Variants in TCF20 observed in about 807,000 individuals in gnomAD.
The protein encoded by TCF20 is transcription factor 20.
TCF20 carries 3 observed loss-of-function variants against 148.6 expected under a neutral mutation model. The ratio of observed to expected loss-of-function variants is 0.02; its 90% CI spans 0.01 to 0.05. The LOEUF (loss-of-function observed/expected upper bound fraction) is 0.05. TCF20 is among the 10% of genes least tolerant of loss of function. The pLI is 1.00. For missense variants in TCF20, 2,350 were observed against 2,429.3 expected, an observed-to-expected ratio of 0.97 and a Z score of 0.69; for synonymous variants, 1,049 against 909.5, an observed-to-expected ratio of 1.15 and a Z score of -2.76.
In TCF20 at chr22:42,215,240, G is replaced by A. The variant is rs1173449621; in HGVS notation, c.66C>T (p.His22=). Residue 22 remains histidine (H), a synonymous_variant, in exon 2 of 6, where the codon CAC becomes CAT. Transcript: ENST00000677622. ...TGAACTCTTCTAGCCGGGATGAGCC[G>A]TGTACCTCCTGTGGGTAGCTTTGCT... ...GNQQSYPQEV[H]GSSRLEEFSP... 18 of 1,614,194 alleles carry A rather than the reference G, an allele frequency of 1.1e-5. No individual in the cohort carries two copies. Among genetic ancestry groups the A allele is most frequent in the Admixed American group, 1.7e-5 (1 of 60,028 alleles).
Position 42,161,202 on chromosome 22 carries a change from G to T in TCF20, c.*201C>A. 1 of 949,660 alleles carries T rather than the reference G, an allele frequency of 1.1e-6. No individual in the cohort carries two copies. The highest frequency in any genetic ancestry group is 1.6e-6 in the Non-Finnish European group (1 of 633,886). 58.8% of individuals were successfully genotyped at this position (949,660 alleles called of 1,614,324 possible). A position where few individuals can be genotyped will look rare whatever the true frequency, so the allele number is the denominator to read the frequency against. On this transcript the variant is annotated 3_prime_UTR_variant, in exon 6 of 6. Coordinates refer to ENST00000677622, the MANE Select transcript of TCF20 (RefSeq NM_001378418.1). Reference sequence around the variant, plus strand: ...GTCTTGGGTCTTTCTTTCCTGTGGTGTCACTGGTTTGAGTGTGATGTGAGA... The same window carrying T: ...GTCTTGGGTCTTTCTTTCCTGTGGTTTCACTGGTTTGAGTGTGATGTGAGA...
intron 1 of TCF20, among the ~76,000 whole-genome samples, chr22:42,340,633 C>G (rs913281369): frequency 2.6e-5 from 4 of 152,172 alleles, no homozygotes; most frequent in Non-Finnish European, 5.9e-5. Flanking sequence ...TGGCCCACCC[C>G]ACTCCACCCC....
At chr22:42,173,993 C>T (rs2011944) in intron 3 of TCF20, among the ~76,000 whole-genome samples, 48,981 of 151,982 alleles carry the variant, frequency 0.32, 10,473 homozygotes, top group African/African-American at 0.61. Flanking sequence ...AAATGACAGA[C>T]ACCATTTACT....
chr22:42,161,342 C>T lies in TCF20; in HGVS notation c.*61G>A, dbSNP rs760630563. On this transcript the variant is annotated 3_prime_UTR_variant, in exon 6 of 6. Coordinates refer to ENST00000677622, the MANE Select transcript of TCF20 (RefSeq NM_001378418.1). ...CCATCACGAGTGTCCACCACCTTCT[C>T]ATCTCCACAGTCTCACCTGGAAGAC... The T allele has an allele frequency of 3.2e-5, 52 of 1,613,990 alleles. No homozygotes were observed. The highest frequency in any genetic ancestry group is 4.3e-5 in the Non-Finnish European group (51 of 1,180,006).
intron 3 of TCF20, among the ~76,000 whole-genome samples, chr22:42,173,782 C>T (rs1936277852): frequency 6.6e-6 from 1 of 152,198 alleles, no homozygotes; most frequent in Non-Finnish European, 1.5e-5. Context: ...TCTTGTGAAA[C>T]TGCCTCTGGG....
chr22:42,323,699 C>T (rs1010333679), intron 1 of TCF20, among the ~76,000 whole-genome samples: 1 of 151,884 alleles, frequency 6.6e-6, no homozygotes, highest in Non-Finnish European at 1.5e-5. Context: ...TGCACCCACA[C>T]CTTCTTCCCA....
At chr22:42,203,709 G>T (rs1444662063) in intron 2 of TCF20, among the ~76,000 whole-genome samples, 1 of 152,216 alleles carries the variant, frequency 6.6e-6, no homozygotes, top group African/African-American at 2.4e-5. Flanking sequence ...ATGAAGATGG[G>T]TCCCAGCAGA....
At chr22:42,271,362 T>G (rs1926614414), upstream of TCF20, among the ~76,000 whole-genome samples, 1 of 152,254 alleles carries the variant, frequency 6.6e-6, no homozygotes, top group Non-Finnish European at 1.5e-5. Flanking sequence ...AATGCCAGGC[T>G]GACTGCGCCC....
At chr22:42,291,418 CG>C (rs1927130699) in intron 1 of TCF20, among the ~76,000 whole-genome samples, 1 of 152,292 alleles carries the variant, frequency 6.6e-6, no homozygotes, top group South Asian at 2.1e-4. Flanking sequence ...ACTAGAGTCT[CG>C]ACCAGGGTAG....
At chr22:42,167,546 T>C (rs1421617983) in intron 5 of TCF20, among the ~76,000 whole-genome samples, 3 of 152,172 alleles carry the variant, frequency 2.0e-5, no homozygotes, top group African/African-American at 2.4e-5. Flanking sequence ...CTTTACAACC[T>C]ATTTCCCTTC....
chr22:42,250,776 AAG>A (rs1381485168), intron 1 of TCF20, among the ~76,000 whole-genome samples: 6 of 152,236 alleles, frequency 3.9e-5, no homozygotes, highest in African/African-American at 1.2e-4. Context: ...CTTAAAAGAA[AAG>A]AGATTTAATT....
At chr22:42,226,088 C>A (rs561791754) in intron 1 of TCF20, among the ~76,000 whole-genome samples, 1 of 152,212 alleles carries the variant, frequency 6.6e-6, no homozygotes. Flanking sequence ...GCCCCACCCC[C>A]ACTCCATGGC....
At chr22:42,258,768 T>C (rs6002665) in intron 1 of TCF20, among the ~76,000 whole-genome samples, 62 of 152,242 alleles carry the variant, frequency 4.1e-4, no homozygotes, top group African/African-American at 1.5e-3. Context: ...CTAGGCTAGG[T>C]TATGATATTC....
chr22:42,251,095 T>C (rs1341080787), intron 1 of TCF20, among the ~76,000 whole-genome samples: 1 of 152,102 alleles, frequency 6.6e-6, no homozygotes, highest in Admixed American at 6.6e-5. Context: ...CAACATGAGA[T>C]TTGGGCAGGG....
intron 2 of TCF20, among the ~76,000 whole-genome samples, chr22:42,201,861 A>G (rs1266448948): frequency 6.6e-6 from 1 of 152,142 alleles, no homozygotes; most frequent in African/African-American, 2.4e-5. Flanking sequence ...AAACTTTGTC[A>G]TCTCACTAGA....
intron 1 of TCF20, among the ~76,000 whole-genome samples, chr22:42,330,938 G>A (rs116527211): frequency 0.012 from 1,797 of 152,312 alleles, 29 homozygotes; most frequent in African/African-American, 0.041. Context: ...CCACCCCTGA[G>A]TGGCCCATCT....
intron 3 of TCF20, among the ~76,000 whole-genome samples, chr22:42,178,482 G>A (rs959921638): frequency 6.6e-6 from 1 of 151,846 alleles, no homozygotes; most frequent in Non-Finnish European, 1.5e-5. Flanking sequence ...GGTGTCCAAT[G>A]GTGAATTACC....
chr22:42,189,650 A>T (rs1200280246), intron 2 of TCF20, among the ~76,000 whole-genome samples: 2 of 152,242 alleles, frequency 1.3e-5, no homozygotes, highest in Non-Finnish European at 2.9e-5. Flanking sequence ...AGGCTTTATC[A>T]AAGTGATCCC....
chr22:42,283,349 C>G (rs991690586), intron 1 of TCF20, among the ~76,000 whole-genome samples: 1 of 151,962 alleles, frequency 6.6e-6, no homozygotes, highest in Non-Finnish European at 1.5e-5. Flanking sequence ...ACCCTCACAC[C>G]CGGGCTGGCT....
Sources: gnomAD v4.1 joint callset for allele counts (sites outside exome capture counted in the v4.1 genomes callset) on GRCh38, gnomAD v4.1.1 for gene constraint, MANE v1.5 for transcripts, NCBI Gene and HGNC (gene_info 2026-07-23, HGNC 2026-07-21) for gene names.